Variants in TAF1 observed in about 807,000 individuals in gnomAD.
TAF1 encodes transcription initiation factor TFIID subunit 1.
TAF1 carries 2 observed loss-of-function variants against 138.5 expected under a neutral mutation model. The ratio of observed to expected loss-of-function variants is 0.01; its 90% CI spans 0.01 to 0.05. The LOEUF is 0.05. Ranked by LOEUF, TAF1 falls within the 10% of genes least tolerant of loss-of-function variation. The probability of loss-of-function intolerance (pLI) is 1.00; values close to 1 mark genes in which losing one functional copy is unlikely to be tolerated. For missense variants in TAF1, 709 were observed against 1,478.0 expected (o/e 0.48, Z 8.53); for synonymous variants, 437 against 503.2 (o/e 0.87, Z 1.76).
At chrX:71,403,102 C>T (rs1398155382) in intron 25 of TAF1, among the ~76,000 whole-genome samples, 2 of 110,122 alleles carry the variant, frequency 1.8e-5, no homozygotes, top group African/African-American at 3.3e-5. Context: ...GATCTCAGCT[C>T]ACTGCAACCT....
At chrX:71,483,379 A>C in intron 13 of TAF1, among the ~76,000 whole-genome samples, 1 of 108,795 alleles carries the variant, frequency 9.2e-6, no homozygotes, top group South Asian at 4.0e-4. Flanking sequence ...CCACATCTTC[A>C]GGATTCACTT....
At chrX:71,377,450 T>C (rs1337108079) in intron 5 of TAF1, among the ~76,000 whole-genome samples, 153 bp from the exon 6 acceptor site, 2 of 112,105 alleles carry the variant, frequency 1.8e-5, no homozygotes, top group African/African-American at 6.5e-5. Flanking sequence ...GAACGCTTCT[T>C]TACTTTCTTA....
intron 3 of TAF1, among the ~76,000 whole-genome samples, chrX:71,371,742 C>T (rs2148169164): frequency 9.0e-6 from 1 of 111,428 alleles, no homozygotes; most frequent in South Asian, 3.7e-4. Flanking sequence ...GATTCAAATT[C>T]CAACTCCATA....
chrX:71,403,530 T>C (rs1230046838), intron 25 of TAF1, among the ~76,000 whole-genome samples: 2 of 111,983 alleles, frequency 1.8e-5, no homozygotes, highest in Non-Finnish European at 3.8e-5. Flanking sequence ...TCCCACTGTT[T>C]TGATCATCTT....
intron 32 of TAF1, among the ~76,000 whole-genome samples, chrX:71,438,418 C>T (rs770535645): frequency 1.8e-5 from 2 of 111,654 alleles, no homozygotes; most frequent in African/African-American, 6.5e-5. Flanking sequence ...ACCATGTTTT[C>T]AAGGTTCATC....
chrX:71,370,207 A>G (rs1340059925), intron 3 of TAF1, among the ~76,000 whole-genome samples: 1 of 111,937 alleles, frequency 8.9e-6, no homozygotes, highest in Non-Finnish European at 1.9e-5. Flanking sequence ...CCTGGGCGGC[A>G]AGAGCTAAAT....
chrX:71,378,372 T>G lies in TAF1; in HGVS notation c.1071T>G (p.Pro357=). 1 of 1,212,125 alleles carries G rather than the reference T, an allele frequency of 8.2e-7. No homozygotes were observed. Among genetic ancestry groups the G allele is most frequent in the Non-Finnish European group, 1.1e-6 (1 of 895,613 alleles). The change falls in exon 7 of 38, where the codon CCT becomes CCG. Residue 357 remains proline, a synonymous_variant. Transcript: ENST00000423759. ...ARLWYDMLGV[P]EDGSGFDYGF... ...TGTGGTATGATATGCTGGGTGTCCC[T>G]GAAGATGGCAGTGGGTTTGACTATG...
rs2148288544 is a variant in TAF1 at position 71,383,058 on chromosome X, G to A, written c.1841G>A (p.Arg614Gln). ...ACCCACATGGGGCCCATCAAACTCC[G>A]GCAGTTCCATCGCCCACCTCTGAAA... is the stretch of plus-strand genomic sequence containing the variant. Reference protein sequence around the residue: ...FPTHMGPIKLRQFHRPPLKKY... With the variant: ...FPTHMGPIKLQQFHRPPLKKY... Residue 614 changes from arginine to glutamine, a missense_variant, in exon 12 of 38, where the codon CGG becomes CAG. Arg to Gln is a conservative substitution (Grantham distance 43). This residue lies in a region of TAF1 where 201 missense variants were observed against 421.3 expected (regional missense o/e 0.48). Coordinates refer to ENST00000423759, the MANE Select transcript of TAF1 (RefSeq NM_004606.5). 2 of 1,211,226 alleles carry A rather than the reference G, an allele frequency of 1.7e-6. No homozygotes were observed. Among genetic ancestry groups the A allele is most frequent in the African/African-American group, 1.7e-5 (1 of 57,689 alleles).
chrX:71,482,796 T>C (rs1057411105), intron 13 of TAF1, among the ~76,000 whole-genome samples: 2 of 112,390 alleles, frequency 1.8e-5, no homozygotes, highest in African/African-American at 6.5e-5. Context: ...AGGATTTCTC[T>C]GTAGCATGTG....
chrX:71,378,958 T>A lies in TAF1; in HGVS notation c.1287T>A (p.Pro429=), dbSNP rs761352274. The A allele has an allele frequency of 1.7e-6, 2 of 1,211,092 alleles. No individual in the cohort carries two copies. Among genetic ancestry groups the A allele is most frequent in the Non-Finnish European group, 2.2e-6 (2 of 895,428 alleles). The stretch of plus-strand genomic sequence containing the variant: ...ATGTCAAACACAAAGGGACAAAACC[T>A]CAGCGTGCAAGCCTGGCAGGCTGGC... ...GEDVKHKGTK[P]QRASLAGWLP... is the part of the protein sequence containing the mutation. The change falls in exon 8 of 38, where the codon CCT becomes CCA. Residue 429 remains proline, a synonymous_variant. Coordinates refer to ENST00000423759, the MANE Select transcript of TAF1 (RefSeq NM_004606.5).
chrX:71,462,075 A>G (rs896085654), intron 37 of TAF1, among the ~76,000 whole-genome samples: 4 of 111,685 alleles, frequency 3.6e-5, no homozygotes, highest in East Asian at 2.8e-4. Context: ...TGATCCATGT[A>G]AGATCTATAA....
chrX:71,490,489 C>T (rs969094792), intron 13 of TAF1, among the ~76,000 whole-genome samples: 5 of 109,921 alleles, frequency 4.5e-5, no homozygotes, highest in African/African-American at 1.3e-4. Flanking sequence ...TGCAGTGGCG[C>T]GATCTCGGCT....
intron 30 of TAF1, 95 bp from the exon 31 acceptor site, chrX:71,423,879 G>A: frequency 1.5e-6 from 1 of 685,062 alleles, no homozygotes; most frequent in South Asian, 2.9e-5. Flanking sequence ...AGAGTCCATA[G>A]CTTTTTTTAG....
At chrX:71,387,136 A>T in intron 14 of TAF1, 125 bp from the exon 15 acceptor site, 1 of 655,251 alleles carries the variant, frequency 1.5e-6, no homozygotes, top group Non-Finnish European at 2.3e-6. Flanking sequence ...TATTTGTATT[A>T]CTGGATAGAC....
downstream of TAF1, among the ~76,000 whole-genome samples, chrX:71,468,412 G>A (rs1289946199): frequency 2.7e-5 from 3 of 110,837 alleles, no homozygotes; most frequent in Admixed American, 2.9e-4. Context: ...CAGAGGCCGG[G>A]TGCTGTGGCT....
In TAF1 at chrX:71,454,191, A is replaced by C; in HGVS notation, c.4775A>C (p.Lys1592Thr). ...KYNGPESQYT[K>T]TAQEIVNVCY... ...ATAGGACCTGAGAGTCAGTATACTA[A>C]GACTGCCCAGGAGATTGTGAACGTC... Residue 1592 changes from lysine to threonine, a missense_variant, in exon 33 of 38, where the codon AAG becomes ACG. Around this residue, in one of 14 missense-constraint regions of TAF1, gnomAD observed 36 missense variants for 47.3 expected, o/e 0.76. Transcript: ENST00000423759. 1 of 1,210,716 alleles carries C rather than the reference A, an allele frequency of 8.3e-7. No individual in the cohort carries two copies. The highest frequency in any genetic ancestry group is 1.1e-6 in the Non-Finnish European group (1 of 894,608).
At chrX:71,410,480 C>T (rs1330835390) in intron 28 of TAF1, among the ~76,000 whole-genome samples, 2 of 69,757 alleles carry the variant, frequency 2.9e-5, no homozygotes, top group African/African-American at 1.2e-4. Flanking sequence ...TTTTTTGAGA[C>T]GGAGTCTTGC....
chrX:71,379,104 G>GTTTTTTTT (rs2033681489), intron 8 of TAF1, 73 bp downstream of exon 8: 7 of 370,418 alleles, frequency 1.9e-5, no homozygotes, highest in African/African-American at 1.8e-4. Flanking sequence ...GCTCAGCTGT[G>GTTTTTTTT]ATTTTTTTTT....
intron 4 of TAF1, among the ~76,000 whole-genome samples, chrX:71,375,644 T>G (rs12388006): frequency 8.9e-6 from 1 of 111,789 alleles, no homozygotes; most frequent in Non-Finnish European, 1.9e-5. Flanking sequence ...TTAATTAAAA[T>G]TTTTTTGAGA....
Sources: gnomAD v4.1 joint callset for allele counts (sites outside exome capture counted in the v4.1 genomes callset) on GRCh38, gnomAD v4.1.1 for gene constraint, gnomAD v4.1.1 regional missense constraint, MANE v1.5 for transcripts, NCBI Gene and HGNC (gene_info 2026-07-23, HGNC 2026-07-21) for gene names.